TBC1D5: variants seen among roughly 807,000 people sequenced by gnomAD.
TBC1D5 encodes TBC1 domain family, member 5.
A neutral mutation model predicts 100.3 loss-of-function variants in TBC1D5; 75 were observed. The ratio of observed to expected loss-of-function variants is 0.75; its 90% confidence interval spans 0.62 to 0.91. The LOEUF is 0.91. TBC1D5 is among the 40% of genes least tolerant of loss of function. The pLI is 0.00. For synonymous variants in TBC1D5, 323 were observed against 325.6 expected, an observed-to-expected ratio of 0.99 and a Z score of 0.09; for missense variants, 910 against 942.4, an observed-to-expected ratio of 0.97 and a Z score of 0.45.
In TBC1D5 at chr3:17,338,441, C is replaced by G. The variant is rs183101685; in HGVS notation, c.996-30307G>C. On this transcript the variant is annotated intron_variant, in intron 13 of 21. Transcript: ENST00000253692. Reference sequence around the variant, plus strand: ...TTCCCTTCATCTGTTTGCCTGAGTACTCCGTACCTCCAAGGTGCTGGCTAT... The same window carrying G: ...TTCCCTTCATCTGTTTGCCTGAGTAGTCCGTACCTCCAAGGTGCTGGCTAT... The G allele has an allele frequency of 7.9e-5, 12 of 152,326 alleles. No individual in the cohort carries two copies. In the East Asian group the frequency reaches 2.3e-3, roughly 29 times the overall value. The allele number at this position is 152,326 out of a possible 1,614,324, so 9.4% of individuals were successfully genotyped here. A position where few individuals can be genotyped will look rare whatever the true frequency, so the allele number is the denominator to read the frequency against.
chr3:17,568,878 A>T (rs933072985), intron 2 of TBC1D5, among the ~76,000 whole-genome samples: 9 of 151,772 alleles, frequency 5.9e-5, no homozygotes, highest in African/African-American at 2.2e-4. Flanking sequence ...TTCCTAATAA[A>T]CTACTGCTCC....
intron 3 of TBC1D5, among the ~76,000 whole-genome samples, chr3:17,440,446 C>T (rs1159268113): frequency 6.6e-6 from 1 of 151,888 alleles, no homozygotes; most frequent in Non-Finnish European, 1.5e-5. Context: ...GGCTACATGG[C>T]AAAACTCATA....
At chr3:17,490,267 C>G (rs550505257) in intron 3 of TBC1D5, among the ~76,000 whole-genome samples, 1 of 152,206 alleles carries the variant, frequency 6.6e-6, no homozygotes, top group Admixed American at 6.5e-5. Context: ...GGAGATATTG[C>G]AAAAATTTTC....
chr3:17,484,223 C>T lies in TBC1D5; in HGVS notation c.97+24251G>A, dbSNP rs148264974. 2.1e-4 allele frequency among the ~76,000 whole-genome samples: 32 copies of T among 152,168 alleles called. 1 individual carries two copies. The East Asian group carries it at 5.8e-3, about 27-fold the overall frequency. ...ATGATGTGCAATAGAGTACTATTTT[C>T]GATATGAAACCTGTCACACTCCTGA... On this transcript the variant is annotated intron_variant, in intron 3 of 21. Transcript: ENST00000253692.
intron 1 of TBC1D5, among the ~76,000 whole-genome samples, chr3:17,689,577 A>T (rs1429883869): frequency 6.6e-6 from 1 of 152,100 alleles, no homozygotes; most frequent in Non-Finnish European, 1.5e-5. Flanking sequence ...GGAATTCATA[A>T]CAAAATGTAA....
At chr3:17,364,364 TCA>T (rs1305893144) in intron 13 of TBC1D5, among the ~76,000 whole-genome samples, 1 of 152,074 alleles carries the variant, frequency 6.6e-6, no homozygotes, top group Non-Finnish European at 1.5e-5. Flanking sequence ...CATGCCAGGT[TCA>T]GTTTAGGGAG....
intron 1 of TBC1D5, among the ~76,000 whole-genome samples, chr3:17,654,555 G>A (rs71312141): frequency 6.9e-4 from 105 of 152,230 alleles, no homozygotes; most frequent in Admixed American, 1.2e-3. Context: ...TGCTGGATTC[G>A]GTTTGCCAGT....
At chr3:17,722,192 A>G (rs1470181589) in intron 1 of TBC1D5, among the ~76,000 whole-genome samples, 1 of 152,168 alleles carries the variant, frequency 6.6e-6, no homozygotes, top group Non-Finnish European at 1.5e-5. Context: ...ATTCTTTTAT[A>G]TTATTTGTAC....
intron 13 of TBC1D5, among the ~76,000 whole-genome samples, chr3:17,348,763 G>A (rs779446605): frequency 1.3e-5 from 2 of 152,102 alleles, no homozygotes. Flanking sequence ...CTTCATCAAA[G>A]ATTCACCTGG....
At chr3:17,285,463 T>C (rs2081089643) in intron 15 of TBC1D5, among the ~76,000 whole-genome samples, 1 of 151,630 alleles carries the variant, frequency 6.6e-6, no homozygotes, top group South Asian at 2.1e-4. Flanking sequence ...GGTTTCACCG[T>C]GTTAGCCAGG....
At chr3:17,230,056 C>G (rs2075281318) in intron 17 of TBC1D5, among the ~76,000 whole-genome samples, 1 of 152,196 alleles carries the variant, frequency 6.6e-6, no homozygotes, top group East Asian at 1.9e-4. Context: ...AATGGAACTA[C>G]TTGTTGTGCT....
intron 2 of TBC1D5, among the ~76,000 whole-genome samples, chr3:17,604,183 C>T (rs1313892587): frequency 6.6e-6 from 1 of 152,166 alleles, no homozygotes; most frequent in Non-Finnish European, 1.5e-5. Context: ...TAGTCTCAAA[C>T]TCCTTGGTTC....
chr3:17,698,333 T>G (rs938610814), intron 1 of TBC1D5, among the ~76,000 whole-genome samples: 2 of 152,022 alleles, frequency 1.3e-5, no homozygotes, highest in African/African-American at 4.8e-5. Context: ...GAAAACTGGC[T>G]AGCCATATGG....
intron 1 of TBC1D5, among the ~76,000 whole-genome samples, chr3:17,672,852 G>T (rs6770513): frequency 1.3e-5 from 2 of 152,158 alleles, no homozygotes; most frequent in South Asian, 2.1e-4. Context: ...TGAAAACACC[G>T]AGCCCTACAG....
chr3:17,357,339 T>C (rs1383690354), intron 13 of TBC1D5, among the ~76,000 whole-genome samples: 4 of 152,160 alleles, frequency 2.6e-5, no homozygotes, highest in Non-Finnish European at 5.9e-5. Flanking sequence ...AAAGGATAAT[T>C]AGATAACTAA....
At chr3:17,157,416 G>A (rs1321514318) in exon 22 of TBC1D5, 4 of 152,234 alleles carry the variant, frequency 2.6e-5, no homozygotes, top group Non-Finnish European at 5.9e-5. Context: ...CTTTTTAACA[G>A]TATAAAAAGA....
At chr3:17,472,240 G>A (rs370451578) in intron 3 of TBC1D5, among the ~76,000 whole-genome samples, 1 of 151,458 alleles carries the variant, frequency 6.6e-6, no homozygotes, top group African/African-American at 2.4e-5. Context: ...CTGAGTTCAA[G>A]TGATTCTCCT....
chr3:17,595,639 C>G lies in TBC1D5; in HGVS notation c.-36+28210G>C, dbSNP rs535436261. Among the ~76,000 whole-genome samples, 12 of 152,228 alleles carry G rather than the reference C, an allele frequency of 7.9e-5. No individual in the cohort carries two copies. In the South Asian group the frequency reaches 2.3e-3, roughly 29 times the overall value. ...ATCTTAAAATGTAAGAATTATCAAG[C>G]CCATTTTTCAGATGAGGACACTGAA... On this transcript the variant is annotated intron_variant, in intron 2 of 21. Coordinates refer to ENST00000253692, the Ensembl canonical transcript of TBC1D5.
chr3:17,443,325 G>A (rs2094708326), intron 3 of TBC1D5, among the ~76,000 whole-genome samples: 1 of 152,172 alleles, frequency 6.6e-6, no homozygotes, highest in Non-Finnish European at 1.5e-5. Flanking sequence ...TACTATGTGG[G>A]CTCTAGATTG....
Sources: gnomAD v4.1 joint callset for allele counts (sites outside exome capture counted in the v4.1 genomes callset) on GRCh38, gnomAD v4.1.1 for gene constraint, MANE v1.5 for transcripts, NCBI Gene and HGNC (gene_info 2026-07-23, HGNC 2026-07-21) for gene names.